MACROD2: variants seen among roughly 807,000 people sequenced by gnomAD.
MACROD2 encodes mono-ADP ribosylhydrolase 2, also known as ADP-ribose glycohydrolase MACROD2.
Under a neutral mutation model 70.4 loss-of-function variants are expected in MACROD2, and 36 were observed. The observed-to-expected ratio is 0.51, with a 90% CI of 0.39 to 0.68. The LOEUF (loss-of-function observed/expected upper bound fraction) is 0.68. MACROD2 is among the 30% of genes least tolerant of loss of function. The pLI, the probability that MACROD2 is intolerant of heterozygous loss-of-function variation, is 0.00. For synonymous variants in MACROD2, 172 were observed against 178.8 expected (o/e 0.96, Z 0.30); for missense variants, 496 against 538.4 (o/e 0.92, Z 0.78).
At chr20:15,324,441 T>TTA (rs2077906006) in intron 6 of MACROD2, among the ~76,000 whole-genome samples, 2 of 152,164 alleles carry the variant, frequency 1.3e-5, no homozygotes, top group Non-Finnish European at 2.9e-5. Context: ...CTCTTCTTGT[T>TTA]TATATATATC....
At chr20:14,982,602 G>T (rs2074810978) in intron 5 of MACROD2, among the ~76,000 whole-genome samples, 1 of 152,232 alleles carries the variant, frequency 6.6e-6, no homozygotes, top group Non-Finnish European at 1.5e-5. Flanking sequence ...CAGAGCTTGG[G>T]CCATGGCCTC....
chr20:14,633,632 C>G (rs1465483764), intron 4 of MACROD2, among the ~76,000 whole-genome samples: 1 of 152,152 alleles, frequency 6.6e-6, no homozygotes, highest in Non-Finnish European at 1.5e-5. Flanking sequence ...GCTCCGAATT[C>G]TCCTTTTAGA....
chr20:14,935,677 C>T (rs2074334726), intron 5 of MACROD2, among the ~76,000 whole-genome samples: 1 of 152,130 alleles, frequency 6.6e-6, no homozygotes, highest in Non-Finnish European at 1.5e-5. Flanking sequence ...ATCACCTCTT[C>T]CTGGGTGGCC....
intron 7 of MACROD2, among the ~76,000 whole-genome samples, chr20:15,466,860 C>A (rs2046897935): frequency 6.6e-6 from 1 of 152,156 alleles, no homozygotes; most frequent in African/African-American, 2.4e-5. Flanking sequence ...TTCCCTAGAG[C>A]CTATAAAAAT....
chr20:15,784,332 T>C (rs1201827341), intron 8 of MACROD2, among the ~76,000 whole-genome samples: 1 of 151,948 alleles, frequency 6.6e-6, no homozygotes, highest in Non-Finnish European at 1.5e-5. Context: ...ATGATTTTTT[T>C]CTACTTTTAT....
intron 8 of MACROD2, among the ~76,000 whole-genome samples, chr20:15,591,747 T>C (rs547780913): frequency 3.3e-5 from 5 of 152,310 alleles, no homozygotes; most frequent in Admixed American, 3.3e-4. Context: ...CTTTAGGACC[T>C]ATTTGGTGGC....
chr20:14,758,196 T>C (rs1194507263), intron 5 of MACROD2: 1 of 269,884 alleles, frequency 3.7e-6, no homozygotes, highest in African/African-American at 2.2e-5. Flanking sequence ...TAGTGTCTCC[T>C]TTGCTGCGTA....
intron 13 of MACROD2, among the ~76,000 whole-genome samples, chr20:15,979,618 A>C (rs2066366098): frequency 6.6e-6 from 1 of 152,142 alleles, no homozygotes; most frequent in Admixed American, 6.5e-5. Context: ...ATGTTTTTTA[A>C]AAAATTCCAT....
intron 4 of MACROD2, among the ~76,000 whole-genome samples, chr20:14,557,284 A>G (rs773248899): frequency 1.3e-5 from 2 of 151,970 alleles, no homozygotes; most frequent in African/African-American, 2.4e-5. Flanking sequence ...AGAAGAAAGC[A>G]TAGGTGTAAA....
chr20:14,150,317 A>G (rs1388070129), intron 3 of MACROD2, among the ~76,000 whole-genome samples: 1 of 152,280 alleles, frequency 6.6e-6, no homozygotes, highest in Admixed American at 6.5e-5. Context: ...TTGTGTGGAT[A>G]TTGTCATGTA....
At chr20:14,149,684 C>G (rs1187775310) in intron 3 of MACROD2, among the ~76,000 whole-genome samples, 3 of 152,110 alleles carry the variant, frequency 2.0e-5, no homozygotes, top group Non-Finnish European at 4.4e-5. Flanking sequence ...GCCATTCTGA[C>G]TGGTGTGAGA....
intron 5 of MACROD2, among the ~76,000 whole-genome samples, chr20:15,139,690 T>C (rs1263902595): frequency 1.3e-5 from 2 of 152,132 alleles, no homozygotes; most frequent in East Asian, 3.9e-4. Flanking sequence ...ACCCTGAAAT[T>C]ATTAGTGCTG....
chr20:15,602,648 C>T (rs2048838141), intron 8 of MACROD2, among the ~76,000 whole-genome samples: 1 of 152,058 alleles, frequency 6.6e-6, no homozygotes, highest in South Asian at 2.1e-4. Context: ...ACAAATTGTT[C>T]GTAGTTTTAT....
chr20:14,907,782 A>G (rs1338659338), intron 5 of MACROD2, among the ~76,000 whole-genome samples: 2 of 152,198 alleles, frequency 1.3e-5, no homozygotes, highest in African/African-American at 4.8e-5. Context: ...TTCATGTCCA[A>G]CGAAAGAGTT....
At chr20:15,751,604 C>G (rs368098144) in intron 8 of MACROD2, among the ~76,000 whole-genome samples, 19 of 151,726 alleles carry the variant, frequency 1.3e-4, no homozygotes, top group Admixed American at 4.6e-4. Context: ...CTAATATTGT[C>G]TCTAGGATTT....
intron 8 of MACROD2, among the ~76,000 whole-genome samples, chr20:15,728,832 A>G (rs1308782324): frequency 6.6e-6 from 1 of 151,750 alleles, no homozygotes; most frequent in Non-Finnish European, 1.5e-5. Context: ...TTATTCTGTC[A>G]AAGAACCAAC....
intron 3 of MACROD2, among the ~76,000 whole-genome samples, chr20:14,183,532 T>G (rs907852315): frequency 2.6e-5 from 4 of 152,032 alleles, no homozygotes; most frequent in Non-Finnish European, 5.9e-5. Context: ...TATATATTTT[T>G]GGGGTATATA....
At chr20:15,750,634 A>T (rs1419317838) in intron 8 of MACROD2, among the ~76,000 whole-genome samples, 7 of 152,026 alleles carry the variant, frequency 4.6e-5, no homozygotes, top group African/African-American at 1.7e-4. Context: ...AAAGGAAATG[A>T]AATCAGTATG....
At chr20:14,848,863 C>G (rs896834117) in intron 5 of MACROD2, among the ~76,000 whole-genome samples, 1 of 151,970 alleles carries the variant, frequency 6.6e-6, no homozygotes. Context: ...GAGGTTGTGC[C>G]GTCTAATTAG....
Sources: gnomAD v4.1 joint callset for allele counts (sites outside exome capture counted in the v4.1 genomes callset) on GRCh38, gnomAD v4.1.1 for gene constraint, MANE v1.5 for transcripts, NCBI Gene and HGNC (gene_info 2026-07-23, HGNC 2026-07-21) for gene names.